Variants in RHOH observed in about 807,000 individuals in gnomAD.
RHOH encodes the protein rho-related GTP-binding protein RhoH.
RHOH carries 6 observed loss-of-function variants against 13.8 expected under a neutral mutation model. The ratio of observed to expected loss-of-function variants is 0.44; its 90% CI spans 0.24 to 0.86. The LOEUF is 0.86. Among genes scored for constraint, RHOH ranks in the 40% least tolerant of loss-of-function variants. The probability of loss-of-function intolerance (pLI) is 0.24; values close to 1 mark genes in which losing one functional copy is unlikely to be tolerated. For synonymous variants in RHOH, 117 were observed against 103.0 expected (o/e 1.14, Z -0.82); for missense variants, 147 against 244.5 (o/e 0.60, Z 2.66).
rs569962326 is a variant in RHOH, at chr4:40,241,660, C to T, written c.-330-1054C>T. On this transcript the variant is annotated intron_variant, in intron 1 of 2. Transcript: ENST00000381799. ...ATCCCAACACTTTGGGAGGCTGAGGCAGGAGGATCCCTGAGGCCAGGAGTT... is the reference window on the plus strand; with the variant it reads ...ATCCCAACACTTTGGGAGGCTGAGGTAGGAGGATCCCTGAGGCCAGGAGTT... Among the ~76,000 whole-genome samples, 12 of 152,136 alleles carry T rather than the reference C, an allele frequency of 7.9e-5. No homozygotes were observed. The South Asian group carries it at 2.3e-3, about 29-fold the overall frequency.
intron 1 of RHOH, among the ~76,000 whole-genome samples, chr4:40,214,235 T>C (rs1725623871): frequency 6.6e-6 from 1 of 152,180 alleles, no homozygotes; most frequent in Non-Finnish European, 1.5e-5. Context: ...TTGCACAGTA[T>C]ACGAGAAGGT....
intron 1 of RHOH, among the ~76,000 whole-genome samples, chr4:40,240,748 G>C (rs1729145020): frequency 6.6e-6 from 1 of 152,212 alleles, no homozygotes; most frequent in South Asian, 2.1e-4. Context: ...CTGCACTCCA[G>C]CCTGGGCAAC....
intron 1 of RHOH, among the ~76,000 whole-genome samples, chr4:40,233,801 C>T (rs1728228086): frequency 6.6e-6 from 1 of 151,986 alleles, no homozygotes; most frequent in Non-Finnish European, 1.5e-5. Context: ...TAAAAACCAC[C>T]TGTAATCCCA....
chr4:40,226,254 C>T (rs1205216715), intron 1 of RHOH, among the ~76,000 whole-genome samples: 1 of 151,966 alleles, frequency 6.6e-6, no homozygotes, highest in Non-Finnish European at 1.5e-5. Context: ...TGTCTGGGTG[C>T]GGTGGCTCAT....
intron 1 of RHOH, among the ~76,000 whole-genome samples, chr4:40,206,269 G>A (rs1724623161): frequency 6.6e-6 from 1 of 152,108 alleles, no homozygotes; most frequent in South Asian, 2.1e-4. Context: ...CTTCTTGAGA[G>A]ACTCTAAATA....
At chr4:40,201,447 T>G (rs527668470) in intron 1 of RHOH, among the ~76,000 whole-genome samples, 52 of 152,266 alleles carry the variant, frequency 3.4e-4, no homozygotes, top group African/African-American at 1.3e-3. Context: ...TGCTCTCAAG[T>G]GCTGATTGTA....
chr4:40,202,758 C>G (rs1256194905), intron 1 of RHOH, among the ~76,000 whole-genome samples: 1 of 152,060 alleles, frequency 6.6e-6, no homozygotes. Flanking sequence ...TGAGAAATAG[C>G]CCAGAGAAAA....
At chr4:40,195,850 A>G (rs78765037), upstream of RHOH, among the ~76,000 whole-genome samples, 8,331 of 152,262 alleles carry the variant, frequency 0.055, 258 homozygotes, top group Middle Eastern at 0.085. Context: ...AAATTGACAC[A>G]TGGGTTCATG....
At chr4:40,213,762 T>A (rs1725560788) in intron 1 of RHOH, among the ~76,000 whole-genome samples, 3 of 151,904 alleles carry the variant, frequency 2.0e-5, no homozygotes, top group Admixed American at 6.6e-5. Context: ...TTTTAAAAAT[T>A]TTTCTTTTTT....
chr4:40,196,980 A>T (rs1364184415), upstream of RHOH: 1 of 149,986 alleles, frequency 6.7e-6, no homozygotes. Flanking sequence ...CTCTGCGGAG[A>T]AGCCGGCTAC....
At chr4:40,234,135 G>C (rs191117130) in intron 1 of RHOH, among the ~76,000 whole-genome samples, 47 of 151,766 alleles carry the variant, frequency 3.1e-4, no homozygotes, top group African/African-American at 1.1e-3. Context: ...TCCTAGAACA[G>C]TTCAGCTCAG....
intron 1 of RHOH, among the ~76,000 whole-genome samples, chr4:40,197,748 T>C (rs531059911): frequency 6.6e-6 from 1 of 152,332 alleles, no homozygotes. Flanking sequence ...ATTTCTAGCT[T>C]GTGTTTTTCA....
At chr4:40,216,747 A>G (rs1426701351) in intron 1 of RHOH, among the ~76,000 whole-genome samples, 1 of 152,232 alleles carries the variant, frequency 6.6e-6, no homozygotes, top group African/African-American at 2.4e-5. Context: ...TCATCTATTT[A>G]ATTGCTTAGG....
chr4:40,229,199 C>G (rs576500958), intron 1 of RHOH, among the ~76,000 whole-genome samples: 4 of 152,336 alleles, frequency 2.6e-5, no homozygotes, highest in South Asian at 4.1e-4. Context: ...GAGGCAGGCT[C>G]TAAGCCTCTG....
At chr4:40,211,070 G>A (rs78687749) in intron 1 of RHOH, among the ~76,000 whole-genome samples, 151 of 152,200 alleles carry the variant, frequency 9.9e-4, no homozygotes, top group Non-Finnish European at 1.5e-3. Context: ...TTAATGAACA[G>A]CTTACTTTAT....
intron 1 of RHOH, among the ~76,000 whole-genome samples, chr4:40,199,215 C>A (rs1012095107): frequency 8.6e-5 from 13 of 151,948 alleles, no homozygotes; most frequent in African/African-American, 2.7e-4. Context: ...AAGCATGTAG[C>A]CTAGTGCCTG....
intron 1 of RHOH, among the ~76,000 whole-genome samples, chr4:40,210,329 G>A (rs574726048): frequency 6.6e-6 from 1 of 152,266 alleles, no homozygotes; most frequent in African/African-American, 2.4e-5. Flanking sequence ...TGCGTTTCCG[G>A]CCCTGGGCCA....
At chr4:40,201,257 C>A (rs554229059) in intron 1 of RHOH, among the ~76,000 whole-genome samples, 1 of 152,090 alleles carries the variant, frequency 6.6e-6, no homozygotes, top group African/African-American at 2.4e-5. Flanking sequence ...CTCTATCCCC[C>A]CCTTTTTTTT....
chr4:40,216,084 G>A (rs1011638865), intron 1 of RHOH, among the ~76,000 whole-genome samples: 1 of 150,044 alleles, frequency 6.7e-6, no homozygotes, highest in African/African-American at 2.5e-5. Flanking sequence ...GACAAATGCT[G>A]TTTACCTCAC....
Sources: allele counts gnomAD v4.1 joint callset (sites outside exome capture counted in the v4.1 genomes callset), GRCh38; gene constraint gnomAD v4.1.1; transcripts MANE v1.5; gene names NCBI Gene and HGNC (gene_info 2026-07-23, HGNC 2026-07-21).